PLCG2: variants seen among roughly 807,000 people sequenced by gnomAD.
PLCG2 encodes phospholipase C gamma 2.
Under a neutral mutation model 175.6 loss-of-function variants are expected in PLCG2, and 69 were observed. The ratio of observed to expected loss-of-function variants is 0.39; its 90% confidence interval spans 0.32 to 0.48. The LOEUF is 0.48. Ranked by LOEUF, PLCG2 falls within the 20% of genes least tolerant of loss-of-function variation. The pLI, the probability that PLCG2 is intolerant of heterozygous loss-of-function variation, is 0.91. For synonymous variants in PLCG2, 827 were observed against 624.0 expected (o/e 1.33, Z -4.85); for missense variants, 1,798 against 1,650.9 (o/e 1.09, Z -1.54).
At position 81,962,599 on chromosome 16, in the gene PLCG2, A is replaced by G. The variant is rs550553312; in HGVS notation, c.*4601A>G. The G allele has an allele frequency of 9.0e-6, 2 of 223,126 alleles. No homozygotes were observed. Among genetic ancestry groups the G allele is most frequent in the South Asian group, 1.8e-4 (1 of 5,438 alleles). The allele number at this position is 223,126 out of a possible 1,614,324, so 13.8% of individuals were successfully genotyped here. A position where few individuals can be genotyped will look rare whatever the true frequency, so the allele number is the denominator to read the frequency against. On this transcript the variant is annotated 3_prime_UTR_variant, in exon 33 of 33. Transcript: ENST00000564138. Reference sequence around the variant, plus strand: ...TTTGTGTACATAGAGAATTAAGTGAATGAGTCACACAGATGTTGGCTGTTG... The same window carrying G: ...TTTGTGTACATAGAGAATTAAGTGAGTGAGTCACACAGATGTTGGCTGTTG...
chr16:81,848,848 C>A (rs1406121463), intron 2 of PLCG2, among the ~76,000 whole-genome samples: 1 of 152,134 alleles, frequency 6.6e-6, no homozygotes, highest in Non-Finnish European at 1.5e-5. Flanking sequence ...ACATATTTGC[C>A]TCTGTTGAGT....
chr16:81,911,645 C>T (rs1909628355), intron 18 of PLCG2, among the ~76,000 whole-genome samples: 1 of 152,010 alleles, frequency 6.6e-6, no homozygotes, highest in South Asian at 2.1e-4. Context: ...GGGTCTCGCT[C>T]TGTCTCCCAG....
Position 81,936,269 on chromosome 16 carries a change from C to T in PLCG2, c.2943C>T (p.Gly981=), listed in dbSNP as rs752268654. 6.2e-7 allele frequency: 1 copy of T among 1,614,036 alleles called. No individual in the cohort carries two copies. The highest frequency in any genetic ancestry group is 1.3e-5 in the African/African-American group (1 of 74,914). ...ACCTCCTGAAGTACAATCAAAAGGG[C>T]CTGACCCGCGTCTACCCAAAGGGAC... ...PVDLLKYNQK[G]LTRVYPKGQR... is the part of the protein sequence containing the mutation. The change falls in exon 27 of 33, where the codon GGC becomes GGT. Residue 981 remains glycine, a synonymous_variant. Coordinates refer to ENST00000564138, the MANE Select transcript of PLCG2 (RefSeq NM_002661.5).
Position 81,962,659 on chromosome 16 carries a change from G to C in PLCG2, c.*4661G>C, listed in dbSNP as rs1004568098. ...AAATTAAACAGCTGTATCACATTTT[G>C]AAAAATAAAAGTTTCATCTGAATGA... On this transcript the variant is annotated 3_prime_UTR_variant, in exon 33 of 33. Coordinates refer to ENST00000564138, the MANE Select transcript of PLCG2 (RefSeq NM_002661.5). 24 of 218,830 alleles carry C rather than the reference G, an allele frequency of 1.1e-4. No homozygotes were observed. Among genetic ancestry groups the C allele is most frequent in the African/African-American group, 4.3e-4 (19 of 44,688 alleles). 13.6% of individuals were successfully genotyped at this position (218,830 alleles called of 1,614,324 possible). A position where few individuals can be genotyped will look rare whatever the true frequency, so the allele number is the denominator to read the frequency against.
intron 5 of PLCG2, among the ~76,000 whole-genome samples, chr16:81,859,635 T>C (rs9674332): frequency 0.81 from 123,426 of 151,722 alleles, 50,255 homozygotes; most frequent in Middle Eastern, 0.83. Flanking sequence ...CCTGGGTTCA[T>C]GCCATTCTCC....
At chr16:81,926,798 C>G (rs1775757220) in intron 22 of PLCG2, among the ~76,000 whole-genome samples, 1 of 152,204 alleles carries the variant, frequency 6.6e-6, no homozygotes, top group African/African-American at 2.4e-5. Flanking sequence ...TGGTCTCTGA[C>G]TTCCACGTAA....
rs560578612 is a variant in PLCG2 at position 81,884,040 on chromosome 16, C to T, written c.765+699C>T. On this transcript the variant is annotated intron_variant, in intron 9 of 32. Transcript: ENST00000564138. Reference sequence around the variant, plus strand: ...TATCCTACATTGCACAGGGCAGCCCCCCCTACCCCCCAGCGAAGAAGTATT... The same window carrying T: ...TATCCTACATTGCACAGGGCAGCCCTCCCTACCCCCCAGCGAAGAAGTATT... 3.3e-5 allele frequency among the ~76,000 whole-genome samples: 5 copies of T among 152,318 alleles called. No individual in the cohort carries two copies. In the East Asian group the frequency reaches 5.8e-4, roughly 18 times the overall value.
chr16:81,824,479 G>T (rs534800483), intron 2 of PLCG2, among the ~76,000 whole-genome samples: 1 of 152,314 alleles, frequency 6.6e-6, no homozygotes, highest in South Asian at 2.1e-4. Flanking sequence ...AGCCTCTGGG[G>T]TTGTGACTGC....
intron 13 of PLCG2, among the ~76,000 whole-genome samples, chr16:81,896,810 C>T (rs1908911969): frequency 6.6e-6 from 1 of 152,100 alleles, no homozygotes; most frequent in African/African-American, 2.4e-5. Context: ...GATTCTTTGC[C>T]ACAAAGTGAG....
At chr16:81,793,484 GC>G (rs1176343431) in intron 2 of PLCG2, among the ~76,000 whole-genome samples, 1 of 152,176 alleles carries the variant, frequency 6.6e-6, no homozygotes, top group Non-Finnish European at 1.5e-5. Flanking sequence ...GTGGTGATGG[GC>G]CCTTTTGAGG....
intron 2 of PLCG2, among the ~76,000 whole-genome samples, chr16:81,788,887 C>T (rs1351973633): frequency 6.6e-6 from 1 of 152,186 alleles, no homozygotes; most frequent in Non-Finnish European, 1.5e-5. Flanking sequence ...GGGTGGCCAC[C>T]CTCCCTTCCC....
At chr16:81,812,319 G>C (rs1904355455) in intron 2 of PLCG2, among the ~76,000 whole-genome samples, 1 of 152,108 alleles carries the variant, frequency 6.6e-6, no homozygotes, top group African/African-American at 2.4e-5. Context: ...ACAGTGCTGA[G>C]ATTACAGGCG....
At chr16:81,808,694 T>C (rs1904293582) in intron 2 of PLCG2, among the ~76,000 whole-genome samples, 2 of 152,022 alleles carry the variant, frequency 1.3e-5, no homozygotes, top group Non-Finnish European at 2.9e-5. Context: ...GGGGTTTCAC[T>C]GTGTTAGCCA....
chr16:81,883,205 T>G (rs865858970), intron 8 of PLCG2, 64 bp from the exon 9 acceptor site: 1 of 1,448,358 alleles, frequency 6.9e-7, no homozygotes, highest in Middle Eastern at 1.7e-4. Flanking sequence ...TTGGCTGGCA[T>G]CTCCTCTCGA....
chr16:81,837,319 G>T (rs937475538), intron 2 of PLCG2, among the ~76,000 whole-genome samples: 4 of 152,224 alleles, frequency 2.6e-5, no homozygotes, highest in African/African-American at 7.2e-5. Flanking sequence ...AGGAATTGTG[G>T]TCCCAGCTGG....
intron 31 of PLCG2, 103 bp from the exon 32 acceptor site, chr16:81,956,592 C>G (rs1430382060): frequency 5.1e-6 from 5 of 982,668 alleles, no homozygotes; most frequent in Non-Finnish European, 7.5e-6. Context: ...TGCAAAACTT[C>G]TGCCCCATGC....
chr16:81,801,077 G>C (rs1040137485), intron 2 of PLCG2, among the ~76,000 whole-genome samples: 30 of 152,188 alleles, frequency 2.0e-4, no homozygotes, highest in Admixed American at 2.6e-4. Flanking sequence ...AGCCCCATGA[G>C]ACTCATGACT....
intron 7 of PLCG2, among the ~76,000 whole-genome samples, chr16:81,876,809 C>T (rs1010754264): frequency 2.0e-5 from 3 of 152,184 alleles, no homozygotes; most frequent in Non-Finnish European, 4.4e-5. Flanking sequence ...ACATAACCCT[C>T]CATGGTAATG....
At chr16:81,836,802 A>G (rs1905540760) in intron 2 of PLCG2, among the ~76,000 whole-genome samples, 1 of 152,160 alleles carries the variant, frequency 6.6e-6, no homozygotes, top group Non-Finnish European at 1.5e-5. Context: ...AACCATTGTG[A>G]CCTTGAATGA....
Sources: allele counts gnomAD v4.1 joint callset (sites outside exome capture counted in the v4.1 genomes callset), GRCh38; gene constraint gnomAD v4.1.1; transcripts MANE v1.5; gene names NCBI Gene and HGNC (gene_info 2026-07-23, HGNC 2026-07-21).